The following MPHOSPH10 variants were observed in gnomAD, a reference collection of about 807,000 sequenced individuals.
The protein encoded by MPHOSPH10 is U3 small nucleolar ribonucleoprotein MPP10.
Under a neutral mutation model 77.3 loss-of-function variants are expected in MPHOSPH10, and 33 were observed. The ratio of observed to expected loss-of-function variants is 0.43; its 90% confidence interval spans 0.32 to 0.57. The LOEUF (loss-of-function observed/expected upper bound fraction) is 0.57, where lower values mean the gene tolerates loss of function less well. MPHOSPH10 is among the 20% of genes least tolerant of loss of function. The probability of loss-of-function intolerance (pLI) is 0.07; values close to 1 mark genes in which losing one functional copy is unlikely to be tolerated. For synonymous variants in MPHOSPH10, 245 were observed against 268.0 expected (o/e 0.91, Z 0.84); for missense variants, 708 against 780.1 (o/e 0.91, Z 1.10).
In MPHOSPH10 at chr2:71,141,387, G is replaced by A. The variant is rs753499034; in HGVS notation, c.1446+18G>A. The A allele has an allele frequency of 2.7e-6, 4 of 1,465,686 alleles. No individual in the cohort carries two copies. Among genetic ancestry groups the A allele is most frequent in the Non-Finnish European group, 9.0e-7 (1 of 1,110,330 alleles). The allele number at this position is 1,465,686 out of a possible 1,614,324, so 90.8% of individuals were successfully genotyped here. ...TCAACCAGGTGAGGAAGCCTGTAAG[G>A]CCAAGCCATTATTATTAAAGAAATA... On this transcript the variant is annotated intron_variant, in intron 7 of 10. Coordinates refer to ENST00000244230, the MANE Select transcript of MPHOSPH10 (RefSeq NM_005791.3).
chr2:71,147,202 C>A (rs936735469), intron 8 of MPHOSPH10, among the ~76,000 whole-genome samples: 6 of 152,070 alleles, frequency 3.9e-5, no homozygotes, highest in Admixed American at 1.3e-4. Context: ...TTTCCATATA[C>A]TTCTTAGAGC....
chr2:71,144,687 C>A (rs1276632744), intron 8 of MPHOSPH10, 149 bp downstream of exon 8: 2 of 635,550 alleles, frequency 3.1e-6, no homozygotes, highest in Non-Finnish European at 5.4e-6. Flanking sequence ...GGAAAGCTCA[C>A]TTCTGGTCCC....
intron 9 of MPHOSPH10, chr2:71,148,901 T>C (rs997004845): frequency 6.1e-6 from 2 of 327,200 alleles, no homozygotes; most frequent in African/African-American, 2.2e-5. Context: ...CTGAAGCCCA[T>C]TGGAATCTAA....
chr2:71,130,982 A>G (rs1416417158), intron 1 of MPHOSPH10: 2 of 522,760 alleles, frequency 3.8e-6, no homozygotes, highest in Non-Finnish European at 6.8e-6. Flanking sequence ...TCTAACCTCA[A>G]TTGTTAACAC....
intron 6 of MPHOSPH10, 73 bp downstream of exon 6, chr2:71,139,935 GAGTAGGACT>G: frequency 9.6e-7 from 1 of 1,037,396 alleles, no homozygotes; most frequent in Non-Finnish European, 1.5e-6. Flanking sequence ...AGTACTTTGA[GAGTAGGACT>G]ATTGCTTTTT....
intron 1 of MPHOSPH10, among the ~76,000 whole-genome samples, chr2:71,131,449 T>C (rs1673377579): frequency 6.6e-6 from 1 of 152,182 alleles, no homozygotes; most frequent in African/African-American, 2.4e-5. Context: ...GAATTGTTGT[T>C]TCTACCCACC....
rs1673415507 is a variant in MPHOSPH10 at position 71,132,935 on chromosome 2, A to G, written c.127A>G (p.Thr43Ala). The G allele has an allele frequency of 6.2e-7, 1 of 1,611,550 alleles. No homozygotes were observed. Among genetic ancestry groups the G allele is most frequent in the African/African-American group, 1.3e-5 (1 of 74,722 alleles). The change falls in exon 2 of 11, where the codon ACA becomes GCA. Residue 43 changes from threonine to alanine, a missense_variant. Thr to Ala is a moderately conservative substitution (Grantham distance 58). Around this residue, in one of 3 missense-constraint regions of MPHOSPH10, gnomAD observed 433 missense variants for 432.6 expected, o/e 1.00. Coordinates refer to ENST00000244230, the MANE Select transcript of MPHOSPH10 (RefSeq NM_005791.3). Reference sequence around the variant, plus strand: ...ATTGGCATCAAAGTTCACTTCTTTAACAAAAGTGCTTTATGACTTTAATAA... The same window carrying G: ...ATTGGCATCAAAGTTCACTTCTTTAGCAAAAGTGCTTTATGACTTTAATAA... ...EGLASKFTSL[T>A]KVLYDFNKIL... is the part of the protein sequence containing the mutation.
At chr2:71,140,883 T>C (rs1673598155) in intron 6 of MPHOSPH10, among the ~76,000 whole-genome samples, 1 of 152,068 alleles carries the variant, frequency 6.6e-6, no homozygotes, top group Non-Finnish European at 1.5e-5. Flanking sequence ...AAACAAACTG[T>C]GATGGGGAAA....
chr2:71,149,006 A>G (rs1673767371), intron 9 of MPHOSPH10: 4 of 556,074 alleles, frequency 7.2e-6, no homozygotes, highest in Admixed American at 3.4e-5. Flanking sequence ...CTGAACCGTC[A>G]CTATAAGAGT....
At chr2:71,135,177 C>CA (rs1337302495) in intron 4 of MPHOSPH10, among the ~76,000 whole-genome samples, 1 of 151,444 alleles carries the variant, frequency 6.6e-6, no homozygotes, top group African/African-American at 2.4e-5. Flanking sequence ...AACAAAAAAC[C>CA]AAAAATCTTG....
Position 71,133,993 on chromosome 2 carries a change from C to A in MPHOSPH10, c.814C>A (p.Pro272Thr). The stretch of plus-strand genomic sequence containing the variant: ...TCTGAAATACAAAGATTTTTTTGAT[C>A]CAGTTGAAAGTGATGAAGACATAAC... ...RNLKYKDFFD[P>T]VESDEDITNV... The change falls in exon 3 of 11, where the codon CCA (proline) becomes ACA (threonine). Residue 272 changes from proline to threonine, a missense_variant. Pro to Thr is a conservative substitution (Grantham distance 38, BLOSUM62 -1). Transcript: ENST00000244230. The A allele has an allele frequency of 6.3e-7, 1 of 1,582,268 alleles. No homozygotes were observed. The highest frequency in any genetic ancestry group is 8.6e-7 in the Non-Finnish European group (1 of 1,164,420).
At chr2:71,138,791 T>C (rs758646782) in intron 5 of MPHOSPH10, 160 bp downstream of exon 5, 14 of 1,021,368 alleles carry the variant, frequency 1.4e-5, no homozygotes, top group Non-Finnish European at 1.9e-5. Flanking sequence ...TCCCGGCACT[T>C]TGGGAGGCCG....
At chr2:71,140,331 G>A (rs1226810066) in intron 6 of MPHOSPH10, among the ~76,000 whole-genome samples, 12 of 152,158 alleles carry the variant, frequency 7.9e-5, no homozygotes, top group Non-Finnish European at 1.6e-4. Context: ...TGGGGATTCC[G>A]CAGAGTCCCA....
intron 1 of MPHOSPH10, 193 bp downstream of exon 1, chr2:71,130,947 C>T (rs763913980): frequency 3.4e-6 from 2 of 584,032 alleles, no homozygotes; most frequent in Non-Finnish European, 6.0e-6. Context: ...AGATGGATCT[C>T]TCAGTTGAGT....
At chr2:71,145,345 A>G (rs1011813039) in intron 8 of MPHOSPH10, among the ~76,000 whole-genome samples, 1 of 152,184 alleles carries the variant, frequency 6.6e-6, no homozygotes, top group African/African-American at 2.4e-5. Flanking sequence ...TCTGCTCCTA[A>G]CTAGCTTTAT....
chr2:71,149,729 G>C (rs1482568898), intron 10 of MPHOSPH10, 137 bp from the exon 11 acceptor site: 4 of 796,006 alleles, frequency 5.0e-6, no homozygotes, highest in Non-Finnish European at 8.0e-6. Flanking sequence ...TATGCTAACT[G>C]ATTCAGTTTT....
At chr2:71,133,703 T>C in intron 2 of MPHOSPH10, 127 bp downstream of exon 2, 1 of 1,095,104 alleles carries the variant, frequency 9.1e-7, no homozygotes, top group Non-Finnish European at 1.3e-6. Context: ...TCTTATCAGT[T>C]ATAAATGAAT....
In MPHOSPH10 at chr2:71,132,970, G is replaced by C. The variant is rs72905506; in HGVS notation, c.162G>C (p.Glu54Asp). The C allele has an allele frequency of 6.2e-7, 1 of 1,613,972 alleles. No homozygotes were observed. Among genetic ancestry groups the C allele is most frequent in the Admixed American group, 1.7e-5 (1 of 60,012 alleles). Residue 54 changes from glutamate to aspartate, a missense_variant, in exon 2 of 11, where the codon GAG (glutamate) becomes GAC (aspartate). Physicochemically the swap from Glu to Asp is conservative, Grantham distance 45. Around this residue, in one of 3 missense-constraint regions of MPHOSPH10, gnomAD observed 433 missense variants for 432.6 expected, o/e 1.00. Transcript: ENST00000244230. ...TTTATGACTTTAATAAAATATTAGA[G>C]AATGGTAGGATCCATGGAAGCCCCT... ...KVLYDFNKIL[E>D]NGRIHGSPLQ... is the part of the protein sequence containing the mutation.
chr2:71,149,029 A>G, intron 9 of MPHOSPH10, 194 bp from the exon 10 acceptor site: 1 of 612,776 alleles, frequency 1.6e-6, no homozygotes, highest in South Asian at 2.1e-5. Flanking sequence ...GTGCCTGTCA[A>G]AGAATGCATT....
Sources: allele counts gnomAD v4.1 joint callset (sites outside exome capture counted in the v4.1 genomes callset), GRCh38; gene constraint gnomAD v4.1.1; regional missense constraint gnomAD v4.1.1; transcripts MANE v1.5; gene names NCBI Gene and HGNC (gene_info 2026-07-23, HGNC 2026-07-21).